Variants in DAAM1 observed in about 807,000 individuals in gnomAD.
DAAM1 encodes the protein disheveled-associated activator of morphogenesis 1.
A neutral mutation model predicts 130.0 loss-of-function variants in DAAM1; 52 were observed. The ratio of observed to expected loss-of-function variants is 0.40; its 90% CI spans 0.32 to 0.50. DAAM1 has a LOEUF of 0.50. Ranked by LOEUF, DAAM1 falls within the 20% of genes least tolerant of loss-of-function variation. DAAM1 has a pLI of 0.61. For synonymous variants in DAAM1, 452 were observed against 444.5 expected (o/e 1.02, Z -0.21); for missense variants, 1,134 against 1,303.8 (o/e 0.87, Z 2.01).
At chr14:59,221,958 C>A (rs1888786129) in intron 1 of DAAM1, among the ~76,000 whole-genome samples, 2 of 152,216 alleles carry the variant, frequency 1.3e-5, no homozygotes, top group African/African-American at 2.4e-5. Flanking sequence ...ACTCCTGATT[C>A]CTATACCTGT....
intron 1 of DAAM1, among the ~76,000 whole-genome samples, chr14:59,206,870 CTTAT>C (rs1888277861): frequency 1.3e-5 from 2 of 152,096 alleles, no homozygotes; most frequent in Admixed American, 1.3e-4. Flanking sequence ...ATTAGTAAAA[CTTAT>C]TTATCATAGC....
intron 12 of DAAM1, among the ~76,000 whole-genome samples, chr14:59,328,639 G>A (rs1433326080): frequency 1.3e-5 from 2 of 152,188 alleles, no homozygotes; most frequent in Non-Finnish European, 2.9e-5. Flanking sequence ...GCAACCTGAG[G>A]ATTAATCCTG....
intron 1 of DAAM1, among the ~76,000 whole-genome samples, chr14:59,217,259 T>A (rs1318799891): frequency 1.3e-5 from 2 of 152,120 alleles, no homozygotes; most frequent in Non-Finnish European, 2.9e-5. Flanking sequence ...TGTCTGTGAC[T>A]GATTTCTTAA....
chr14:59,267,351 A>G (rs1882488161), intron 2 of DAAM1, among the ~76,000 whole-genome samples: 1 of 152,188 alleles, frequency 6.6e-6, no homozygotes. Flanking sequence ...ATAGGAGGTC[A>G]GCCATGTGAA....
Position 59,338,238 on chromosome 14 carries a change from T to A in DAAM1, c.1969-1836T>A, listed in dbSNP as rs1885701980. On this transcript the variant is annotated intron_variant, in intron 15 of 24. Transcript: ENST00000360909. Reference sequence around the variant, plus strand: ...GCCAAATTTTCTCATCTTCATCAACTCTCATTGATGATCCCAGGGGCATAA... The same window carrying A: ...GCCAAATTTTCTCATCTTCATCAACACTCATTGATGATCCCAGGGGCATAA... The A allele has an allele frequency of 4.1e-6, 3 of 730,906 alleles. No individual in the cohort carries two copies. In the South Asian group the frequency reaches 5.5e-5, roughly 13 times the overall value. 45.3% of individuals were successfully genotyped at this position (730,906 alleles called of 1,614,324 possible).
chr14:59,303,249 G>C (rs1470779819), intron 3 of DAAM1, among the ~76,000 whole-genome samples: 1 of 152,200 alleles, frequency 6.6e-6, no homozygotes, highest in African/African-American at 2.4e-5. Context: ...ATAGTGTCCT[G>C]TGAAACTCAG....
chr14:59,223,439 A>G (rs989818439), intron 1 of DAAM1, among the ~76,000 whole-genome samples: 2 of 152,180 alleles, frequency 1.3e-5, no homozygotes, highest in African/African-American at 4.8e-5. Flanking sequence ...GCAACACCTT[A>G]TTGTAAAATC....
chr14:59,333,743 C>T (rs563311422), intron 15 of DAAM1, among the ~76,000 whole-genome samples: 1 of 152,290 alleles, frequency 6.6e-6, no homozygotes, highest in South Asian at 2.1e-4. Flanking sequence ...CAAGTCTGAG[C>T]ATGTGGGTTG....
chr14:59,343,398 G>C (rs1885927619), intron 16 of DAAM1, among the ~76,000 whole-genome samples: 1 of 152,124 alleles, frequency 6.6e-6, no homozygotes, highest in South Asian at 2.1e-4. Flanking sequence ...TTTTATGCTT[G>C]GGGACAATGA....
intron 1 of DAAM1, among the ~76,000 whole-genome samples, chr14:59,227,822 C>T (rs1349142041): frequency 6.6e-6 from 1 of 152,148 alleles, no homozygotes; most frequent in African/African-American, 2.4e-5. Flanking sequence ...CATAGAGCAC[C>T]CATAGGGGCA....
intron 22 of DAAM1, 102 bp from the exon 23 acceptor site, chr14:59,363,549 A>C (rs149923176): frequency 6.6e-7 from 1 of 1,513,142 alleles, no homozygotes; most frequent in African/African-American, 1.4e-5. Flanking sequence ...TGTGTTTGCC[A>C]TTCTGATTTA....
rs1217775793 is a variant in DAAM1 at position 59,344,225 on chromosome 14, G to T, written c.2076-3314G>T. Reference sequence around the variant, plus strand: ...AGCTACTCTAAAGTAGGGGGATTTGGCCTAAATCCACTGAAGCAGAGCTAA... The same window carrying T: ...AGCTACTCTAAAGTAGGGGGATTTGTCCTAAATCCACTGAAGCAGAGCTAA... On this transcript the variant is annotated intron_variant, in intron 16 of 24. Coordinates refer to ENST00000360909, the MANE Select transcript of DAAM1 (RefSeq NM_001270520.2). Among the ~76,000 whole-genome samples, 8 of 152,142 alleles carry T rather than the reference G, an allele frequency of 5.3e-5. 1 individual carries two copies. The South Asian group carries it at 1.0e-3, about 20-fold the overall frequency.
chr14:59,229,430 G>A (rs148804848), intron 1 of DAAM1, among the ~76,000 whole-genome samples: 1 of 152,286 alleles, frequency 6.6e-6, no homozygotes, highest in African/African-American at 2.4e-5. Flanking sequence ...ATACTGATAT[G>A]TTTTAAAAGC....
At chr14:59,226,546 G>A (rs1246918409) in intron 1 of DAAM1, among the ~76,000 whole-genome samples, 5 of 152,098 alleles carry the variant, frequency 3.3e-5, no homozygotes, top group Non-Finnish European at 7.4e-5. Flanking sequence ...GGGGTGGGAT[G>A]GGCCTGACAT....
At chr14:59,202,835 T>C (rs555673460) in intron 1 of DAAM1, among the ~76,000 whole-genome samples, 1 of 152,322 alleles carries the variant, frequency 6.6e-6, no homozygotes, top group East Asian at 1.9e-4. Context: ...TTTTAAGATA[T>C]TTGTTATGTC....
intron 1 of DAAM1, among the ~76,000 whole-genome samples, chr14:59,192,280 C>A (rs561918337): frequency 6.6e-6 from 1 of 151,764 alleles, no homozygotes; most frequent in African/African-American, 2.4e-5. Flanking sequence ...AGCAAAAGTT[C>A]TGATTGAAAG....
chr14:59,192,636 C>T (rs1445574607), intron 1 of DAAM1, among the ~76,000 whole-genome samples: 2 of 152,244 alleles, frequency 1.3e-5, no homozygotes, highest in East Asian at 3.9e-4. Context: ...TGATTTTTTC[C>T]TCTTTGGATG....
chr14:59,331,517 T>G lies in DAAM1; in HGVS notation c.1860+9T>G, dbSNP rs200557193. ...GGTCTAAACTGCCCGAGGTGAGCCA[T>G]TTGTTCCAGTTTTCCCTTTAATGGA... On this transcript the variant is annotated intron_variant, in intron 14 of 24. Transcript: ENST00000360909. The G allele has an allele frequency of 5.1e-6, 8 of 1,568,926 alleles. No homozygotes were observed. In the Admixed American group the frequency reaches 1.3e-4, roughly 26 times the overall value.
intron 1 of DAAM1, among the ~76,000 whole-genome samples, chr14:59,247,979 G>A (rs1881468085): frequency 6.6e-6 from 1 of 152,120 alleles, no homozygotes; most frequent in African/African-American, 2.4e-5. Context: ...GTACTGTATT[G>A]AAAGCTTCCC....
Sources: allele counts gnomAD v4.1 joint callset (sites outside exome capture counted in the v4.1 genomes callset), GRCh38; gene constraint gnomAD v4.1.1; transcripts MANE v1.5; gene names NCBI Gene and HGNC (gene_info 2026-07-23, HGNC 2026-07-21).